CADM1: variants seen among roughly 807,000 people sequenced by gnomAD.
CADM1 encodes cell adhesion molecule 1, also known as TSLC-1.
A neutral mutation model predicts 53.1 loss-of-function variants in CADM1; 15 were observed. That is an observed-to-expected ratio of 0.28 (90% CI 0.19 to 0.44). The LOEUF is 0.44. CADM1 is among the 20% of genes least tolerant of loss of function. The pLI is 1.00. For missense variants in CADM1, 434 were observed against 611.3 expected (o/e 0.71, Z 3.06); for synonymous variants, 281 against 243.0 (o/e 1.16, Z -1.45).
intron 1 of CADM1, among the ~76,000 whole-genome samples, chr11:115,277,255 ATGT>A (rs1470781314): frequency 6.6e-6 from 1 of 152,176 alleles, no homozygotes; most frequent in East Asian, 1.9e-4. Context: ...CCAAGCTCTA[ATGT>A]TGTTACGGAG....
Position 115,170,823 on chromosome 11 carries a change from T to C in CADM1, c.*5651A>G, listed in dbSNP as rs756181427. ...TATTCCAGTGGGTCCTTGAGAATGA[T>C]AGGGCCAATCGCTCTAAACTCAGGA... On this transcript the variant is annotated 3_prime_UTR_variant, in exon 12 of 12. Transcript: ENST00000331581. The C allele has an allele frequency of 6.6e-6, 1 of 152,198 alleles. No individual in the cohort carries two copies. Among genetic ancestry groups the C allele is most frequent in the African/African-American group, 2.4e-5 (1 of 41,442 alleles). The allele number at this position is 152,198 out of a possible 1,614,324, so 9.4% of individuals were successfully genotyped here. A position where few individuals can be genotyped will look rare whatever the true frequency, so the allele number is the denominator to read the frequency against.
At chr11:115,415,418 A>C (rs895053565) in intron 1 of CADM1, among the ~76,000 whole-genome samples, 1 of 152,194 alleles carries the variant, frequency 6.6e-6, no homozygotes, top group East Asian at 1.9e-4. Context: ...AAACCTAAAA[A>C]AAGAGATGTT....
At chr11:115,278,402 A>G (rs1288708378) in intron 1 of CADM1, among the ~76,000 whole-genome samples, 2 of 152,244 alleles carry the variant, frequency 1.3e-5, no homozygotes, top group African/African-American at 4.8e-5. Flanking sequence ...AGGTCTTCAT[A>G]TAACTAGGAT....
chr11:115,431,152 C>G (rs220836), intron 1 of CADM1, among the ~76,000 whole-genome samples: 1 of 152,106 alleles, frequency 6.6e-6, no homozygotes, highest in East Asian at 1.9e-4. Flanking sequence ...AACTGGAAAA[C>G]AGATTGACAA....
chr11:115,491,448 C>T (rs1001107662), intron 1 of CADM1, among the ~76,000 whole-genome samples: 1 of 151,952 alleles, frequency 6.6e-6, no homozygotes, highest in Non-Finnish European at 1.5e-5. Flanking sequence ...GCCTGCAGTC[C>T]CACCTACTCG....
chr11:115,385,193 A>C (rs866841325), intron 1 of CADM1, among the ~76,000 whole-genome samples: 2 of 152,300 alleles, frequency 1.3e-5, no homozygotes, highest in East Asian at 3.9e-4. Context: ...AAAAAAAAAA[A>C]AAACAGATTT....
At chr11:115,227,660 G>A (rs940961033) in intron 5 of CADM1, among the ~76,000 whole-genome samples, 7 of 152,136 alleles carry the variant, frequency 4.6e-5, no homozygotes, top group African/African-American at 1.7e-4. Context: ...AATAGTTTTA[G>A]TGATATGAAA....
chr11:115,189,877 A>T (rs1443742833), intron 10 of CADM1, among the ~76,000 whole-genome samples: 2 of 152,234 alleles, frequency 1.3e-5, no homozygotes, highest in Non-Finnish European at 2.9e-5. Flanking sequence ...CAAAGTGAAG[A>T]TATCCCTGAG....
At chr11:115,410,136 C>A (rs1481111726) in intron 1 of CADM1, among the ~76,000 whole-genome samples, 1 of 152,246 alleles carries the variant, frequency 6.6e-6, no homozygotes, top group African/African-American at 2.4e-5. Context: ...ATACAACATG[C>A]TGCACAATGT....
At chr11:115,489,334 A>G (rs894481565) in intron 1 of CADM1, among the ~76,000 whole-genome samples, 15 of 152,218 alleles carry the variant, frequency 9.9e-5, no homozygotes, top group Non-Finnish European at 5.9e-5. Flanking sequence ...TTATAGCCCT[A>G]AAAAAGCTGA....
intron 1 of CADM1, among the ~76,000 whole-genome samples, chr11:115,401,367 G>T (rs528233317): frequency 6.6e-6 from 1 of 152,130 alleles, no homozygotes; most frequent in East Asian, 1.9e-4. Flanking sequence ...CCAGCACTTT[G>T]GGAGGCCGAG....
At chr11:115,199,294 A>C (rs1940310216) in intron 8 of CADM1, among the ~76,000 whole-genome samples, 1 of 152,222 alleles carries the variant, frequency 6.6e-6, no homozygotes, top group Non-Finnish European at 1.5e-5. Flanking sequence ...CACGTTCACC[A>C]TTCTGAGGGG....
At chr11:115,279,813 G>T (rs760070731) in intron 1 of CADM1, among the ~76,000 whole-genome samples, 2 of 152,118 alleles carry the variant, frequency 1.3e-5, no homozygotes, top group Non-Finnish European at 2.9e-5. Context: ...CATGGGCACC[G>T]CATTCAGTTT....
intron 1 of CADM1, among the ~76,000 whole-genome samples, chr11:115,438,335 GTC>G (rs1485511385): frequency 2.6e-5 from 4 of 151,912 alleles, no homozygotes; most frequent in Admixed American, 2.6e-4. Context: ...GATTAATTCT[GTC>G]TTTCAGTAGC....
chr11:115,339,774 T>A (rs1471961540), intron 1 of CADM1, among the ~76,000 whole-genome samples: 3 of 152,160 alleles, frequency 2.0e-5, no homozygotes, highest in African/African-American at 7.2e-5. Flanking sequence ...CACCACCAAT[T>A]AAGAGAGTGT....
At chr11:115,202,861 T>TTTC (rs1462295630) in intron 8 of CADM1, among the ~76,000 whole-genome samples, 1 of 151,838 alleles carries the variant, frequency 6.6e-6, no homozygotes, top group South Asian at 2.1e-4. Context: ...GTTTTTTTTT[T>TTTC]TTCTTCTCTT....
chr11:115,356,789 C>T (rs1178605946), intron 1 of CADM1, among the ~76,000 whole-genome samples: 1 of 152,122 alleles, frequency 6.6e-6, no homozygotes, highest in African/African-American at 2.4e-5. Context: ...ATAAAATATA[C>T]ACACGAGACA....
At chr11:115,266,102 C>T (rs1340348024) in intron 1 of CADM1, among the ~76,000 whole-genome samples, 1 of 152,170 alleles carries the variant, frequency 6.6e-6, no homozygotes, top group Non-Finnish European at 1.5e-5. Context: ...AGATGAGTTA[C>T]GAAGGTGTGC....
At chr11:115,494,722 A>T (rs1591305020) in intron 1 of CADM1, among the ~76,000 whole-genome samples, 1 of 152,230 alleles carries the variant, frequency 6.6e-6, no homozygotes, top group South Asian at 2.1e-4. Context: ...CAGAGAAATA[A>T]CCCCCACCAC....
Sources: gnomAD v4.1 joint callset for allele counts (sites outside exome capture counted in the v4.1 genomes callset) on GRCh38, gnomAD v4.1.1 for gene constraint, MANE v1.5 for transcripts, NCBI Gene and HGNC (gene_info 2026-07-23, HGNC 2026-07-21) for gene names.